The following MYO3B variants were observed in gnomAD, a reference collection of about 807,000 sequenced individuals.
MYO3B encodes myosin IIIB.
Under a neutral mutation model 174.6 loss-of-function variants are expected in MYO3B, and 156 were observed. That is an observed-to-expected ratio of 0.89 (90% CI 0.78 to 1.02). The LOEUF is 1.02. Ranked by LOEUF, MYO3B falls within the 50% of genes least tolerant of loss-of-function variation. MYO3B has a pLI of 0.00. For synonymous variants in MYO3B, 563 were observed against 569.1 expected (o/e 0.99, Z 0.15); for missense variants, 1,632 against 1,639.4 (o/e 1.00, Z 0.08).
intron 32 of MYO3B, among the ~76,000 whole-genome samples, chr2:170,562,286 G>A (rs1356292585): frequency 5.3e-5 from 8 of 152,172 alleles, no homozygotes; most frequent in South Asian, 2.1e-4. Context: ...ATTCATATCC[G>A]TATAAACTTA....
At position 170,459,691 on chromosome 2, in the gene MYO3B, C is replaced by T. The variant is rs558672755; in HGVS notation, c.2731-3677C>T. On this transcript the variant is annotated intron_variant, in intron 23 of 34. Transcript: ENST00000408978. ...CCATGGAGCAGGGGGTGGTGCCCGT[C>T]GAGGAGGCTCAAGGCTCGGGCCGCA... Among the ~76,000 whole-genome samples the T allele has an allele frequency of 1.2e-3, 187 of 152,116 alleles. 1 individual carries two copies. Among genetic ancestry groups the T allele is most frequent in the African/African-American group, 4.1e-3 (169 of 41,518 alleles).
At chr2:170,270,995 T>G (rs2093421721) in intron 7 of MYO3B, among the ~76,000 whole-genome samples, 1 of 152,220 alleles carries the variant, frequency 6.6e-6, no homozygotes, top group African/African-American at 2.4e-5. Flanking sequence ...ATATCCACAT[T>G]TATTATCTAA....
At chr2:170,453,684 C>A (rs1434005026) in intron 23 of MYO3B, among the ~76,000 whole-genome samples, 1 of 152,126 alleles carries the variant, frequency 6.6e-6, no homozygotes, top group Non-Finnish European at 1.5e-5. Context: ...GAACCATAGG[C>A]AAAAGCTTTC....
intron 25 of MYO3B, among the ~76,000 whole-genome samples, chr2:170,491,379 C>A (rs1489900231): frequency 6.6e-6 from 1 of 152,042 alleles, no homozygotes; most frequent in African/African-American, 2.4e-5. Flanking sequence ...TTTAATTCCA[C>A]CGTGGCCATA....
At chr2:170,318,793 G>A (rs976301404) in intron 7 of MYO3B, among the ~76,000 whole-genome samples, 4 of 151,430 alleles carry the variant, frequency 2.6e-5, no homozygotes, top group Admixed American at 2.6e-4. Context: ...GAGAATCAAG[G>A]TCCAGACCTT....
chr2:170,642,324 T>G (rs1698039961), intron 32 of MYO3B, among the ~76,000 whole-genome samples: 1 of 152,176 alleles, frequency 6.6e-6, no homozygotes. Flanking sequence ...ATAGACAATT[T>G]ATAACTCCAG....
At chr2:170,236,192 A>G in intron 7 of MYO3B, 56 bp downstream of exon 7, 2 of 1,597,168 alleles carry the variant, frequency 1.3e-6, no homozygotes, top group Non-Finnish European at 1.7e-6. Flanking sequence ...GCGTCTGGTT[A>G]GAGGGATAAT....
intron 8 of MYO3B, among the ~76,000 whole-genome samples, chr2:170,364,074 C>T (rs1188554053): frequency 2.0e-5 from 3 of 152,114 alleles, no homozygotes; most frequent in African/African-American, 7.2e-5. Context: ...AACAATAGCC[C>T]TCCAGAGTGT....
intron 28 of MYO3B, among the ~76,000 whole-genome samples, chr2:170,503,208 T>A (rs1687391882): frequency 6.6e-6 from 1 of 152,242 alleles, no homozygotes; most frequent in South Asian, 2.1e-4. Context: ...GTTGATCCAC[T>A]GAGTTCAGTA....
intron 25 of MYO3B, among the ~76,000 whole-genome samples, chr2:170,468,541 A>G (rs1309486291): frequency 1.3e-5 from 2 of 152,020 alleles, no homozygotes; most frequent in East Asian, 3.9e-4. Context: ...TCTTGCCCCT[A>G]TTATCTTTGA....
At chr2:170,253,030 G>T (rs954640613) in intron 7 of MYO3B, among the ~76,000 whole-genome samples, 12 of 152,176 alleles carry the variant, frequency 7.9e-5, no homozygotes, top group African/African-American at 2.9e-4. Context: ...GAATGAGATA[G>T]GAAGCCATTA....
At chr2:170,204,073 A>T (rs1396194277) in intron 3 of MYO3B, among the ~76,000 whole-genome samples, 1 of 151,968 alleles carries the variant, frequency 6.6e-6, no homozygotes, top group Non-Finnish European at 1.5e-5. Flanking sequence ...GCATCTCTCC[A>T]CTCTGATAGA....
chr2:170,420,985 G>A (rs1229133846), intron 22 of MYO3B, among the ~76,000 whole-genome samples: 1 of 151,966 alleles, frequency 6.6e-6, no homozygotes, highest in Non-Finnish European at 1.5e-5. Context: ...AAAATTCCTG[G>A]TACCACTAGA....
At chr2:170,647,356 G>C (rs1698469402) in intron 32 of MYO3B, among the ~76,000 whole-genome samples, 1 of 152,168 alleles carries the variant, frequency 6.6e-6, no homozygotes, top group Admixed American at 6.5e-5. Context: ...AAAGTACACT[G>C]TGTATAGGAT....
chr2:170,616,302 A>G (rs1695460856), intron 32 of MYO3B, among the ~76,000 whole-genome samples: 1 of 152,044 alleles, frequency 6.6e-6, no homozygotes, highest in Admixed American at 6.6e-5. Flanking sequence ...GGCTCTCCAC[A>G]AGGGTCGCAT....
intron 7 of MYO3B, among the ~76,000 whole-genome samples, chr2:170,314,073 A>G (rs2093757952): frequency 6.6e-6 from 1 of 152,152 alleles, no homozygotes; most frequent in Non-Finnish European, 1.5e-5. Flanking sequence ...CCCCCTGCCA[A>G]TGCCATTTTC....
intron 28 of MYO3B, among the ~76,000 whole-genome samples, chr2:170,506,556 T>C (rs1687633344): frequency 6.6e-6 from 1 of 152,220 alleles, no homozygotes; most frequent in Non-Finnish European, 1.5e-5. Flanking sequence ...TGAGATTTAA[T>C]TTGGGGCTTC....
At chr2:170,579,870 T>C (rs755314846) in intron 32 of MYO3B, among the ~76,000 whole-genome samples, 20 of 152,266 alleles carry the variant, frequency 1.3e-4, no homozygotes, top group South Asian at 4.1e-4. Context: ...TACATTATCC[T>C]GTGTGAAGGT....
chr2:170,224,617 G>A (rs961997348), intron 6 of MYO3B, among the ~76,000 whole-genome samples: 13 of 151,998 alleles, frequency 8.6e-5, no homozygotes, highest in African/African-American at 2.4e-5. Flanking sequence ...ATTCCGCCAT[G>A]CATTAAGGAT....
Sources: allele counts gnomAD v4.1 joint callset (sites outside exome capture counted in the v4.1 genomes callset), GRCh38; gene constraint gnomAD v4.1.1; transcripts MANE v1.5; gene names NCBI Gene and HGNC (gene_info 2026-07-23, HGNC 2026-07-21).